Variants in PTPRD observed in about 807,000 individuals in gnomAD.
PTPRD encodes the protein protein tyrosine phosphatase receptor type D, also known as receptor-type tyrosine-protein phosphatase delta.
Under a neutral mutation model 214.5 loss-of-function variants are expected in PTPRD, and 34 were observed. That is an observed-to-expected ratio of 0.16 (90% CI 0.12 to 0.21). PTPRD has a LOEUF of 0.21. PTPRD is among the 10% of genes least tolerant of loss of function. The pLI is 1.00. For synonymous variants in PTPRD, 1,128 were observed against 845.7 expected (o/e 1.33, Z -5.79); for missense variants, 2,545 against 2,398.7 (o/e 1.06, Z -1.27).
chr9:8,653,973 T>A (rs1257586232), intron 12 of PTPRD, among the ~76,000 whole-genome samples: 2 of 152,148 alleles, frequency 1.3e-5, no homozygotes, highest in African/African-American at 4.8e-5. Context: ...AACAGCTACT[T>A]CCCCTTAAAA....
chr9:9,246,961 C>A (rs2099973322), intron 9 of PTPRD, among the ~76,000 whole-genome samples: 1 of 150,480 alleles, frequency 6.6e-6, no homozygotes, highest in South Asian at 2.1e-4. Context: ...TCTCTCTGAC[C>A]TTCTCCTGCC....
intron 11 of PTPRD, among the ~76,000 whole-genome samples, chr9:8,873,638 T>C (rs1587063588): frequency 6.6e-6 from 1 of 152,214 alleles, no homozygotes; most frequent in African/African-American, 2.4e-5. Flanking sequence ...TTCATCTTAA[T>C]GAAGGCTGGA....
chr9:10,241,683 C>A (rs1254099840), intron 3 of PTPRD, among the ~76,000 whole-genome samples: 1 of 151,746 alleles, frequency 6.6e-6, no homozygotes, highest in Non-Finnish European at 1.5e-5. Context: ...TTCCTGAAAA[C>A]CAGGGTTGGT....
At chr9:10,498,579 A>T (rs1489449789) in intron 2 of PTPRD, among the ~76,000 whole-genome samples, 1 of 151,924 alleles carries the variant, frequency 6.6e-6, no homozygotes, top group Non-Finnish European at 1.5e-5. Context: ...CTTTTAAGAT[A>T]TACGCATTTT....
At chr9:9,106,048 G>T (rs1412144617) in intron 10 of PTPRD, among the ~76,000 whole-genome samples, 3 of 152,246 alleles carry the variant, frequency 2.0e-5, no homozygotes, top group Admixed American at 1.3e-4. Flanking sequence ...CGATGGCTGA[G>T]ATACCTGGAA....
chr9:9,909,475 G>A (rs527922855), intron 5 of PTPRD, among the ~76,000 whole-genome samples: 25 of 151,784 alleles, frequency 1.6e-4, no homozygotes, highest in African/African-American at 5.5e-4. Context: ...AAAAAGCAGT[G>A]TAGTATTGAG....
At chr9:9,231,684 C>T (rs2099963194) in intron 9 of PTPRD, among the ~76,000 whole-genome samples, 1 of 151,994 alleles carries the variant, frequency 6.6e-6, no homozygotes, top group South Asian at 2.1e-4. Context: ...GTATATAGAA[C>T]AGTAACACAC....
intron 10 of PTPRD, among the ~76,000 whole-genome samples, chr9:9,122,027 G>C (rs1254711591): frequency 6.6e-6 from 1 of 152,108 alleles, no homozygotes; most frequent in Non-Finnish European, 1.5e-5. Flanking sequence ...CATGAGGGGA[G>C]ACTCCCTCTC....
At chr9:10,510,835 AC>A (rs1205765960) in intron 2 of PTPRD, among the ~76,000 whole-genome samples, 2 of 151,998 alleles carry the variant, frequency 1.3e-5, no homozygotes, top group African/African-American at 4.8e-5. Context: ...CTATTAACCA[AC>A]CCTTCTTCAT....
chr9:9,990,708 T>C (rs2095882148), intron 4 of PTPRD, among the ~76,000 whole-genome samples: 1 of 152,240 alleles, frequency 6.6e-6, no homozygotes, highest in Non-Finnish European at 1.5e-5. Flanking sequence ...GCATTGATTT[T>C]CTTAAAGTTT....
chr9:10,004,457 A>G (rs1260909189), intron 4 of PTPRD, among the ~76,000 whole-genome samples: 2 of 152,050 alleles, frequency 1.3e-5, no homozygotes, highest in African/African-American at 4.8e-5. Context: ...GATAATTCAC[A>G]TCATTTTCTT....
chr9:10,206,234 G>C (rs1039390446), intron 3 of PTPRD, among the ~76,000 whole-genome samples: 1 of 152,108 alleles, frequency 6.6e-6, no homozygotes, highest in Non-Finnish European at 1.5e-5. Context: ...AACTCAAAGA[G>C]GCTTAGTTTT....
At chr9:9,369,851 C>A (rs1300609531) in intron 9 of PTPRD, among the ~76,000 whole-genome samples, 1 of 152,220 alleles carries the variant, frequency 6.6e-6, no homozygotes, top group African/African-American at 2.4e-5. Context: ...TTCCCAGAAC[C>A]ATTTATTAAA....
chr9:8,706,828 T>C (rs2098220159), intron 12 of PTPRD, among the ~76,000 whole-genome samples: 1 of 152,230 alleles, frequency 6.6e-6, no homozygotes, highest in African/African-American at 2.4e-5. Flanking sequence ...TTGGGATTGC[T>C]TCCTGATTTC....
chr9:9,831,403 T>G (rs1570593), intron 5 of PTPRD, among the ~76,000 whole-genome samples: 22,209 of 151,970 alleles, frequency 0.15, 2,950 homozygotes, highest in East Asian at 0.75. Flanking sequence ...TTACTACATT[T>G]TTTAGATGAG....
chr9:8,649,743 T>C (rs2096767719), intron 12 of PTPRD, among the ~76,000 whole-genome samples: 2 of 152,232 alleles, frequency 1.3e-5, no homozygotes, highest in Non-Finnish European at 1.5e-5. Context: ...AATTATAGAA[T>C]AGAGTTTTAC....
chr9:8,824,790 T>C (rs115101096), intron 11 of PTPRD, among the ~76,000 whole-genome samples: 1,524 of 152,270 alleles, frequency 0.01, 26 homozygotes, highest in African/African-American at 0.035. Context: ...TTCACAGGAA[T>C]AAGCAGGGTT....
chr9:8,678,360 C>T (rs762583138), intron 12 of PTPRD, among the ~76,000 whole-genome samples: 2 of 152,180 alleles, frequency 1.3e-5, no homozygotes, highest in African/African-American at 4.8e-5. Flanking sequence ...TACCACATCA[C>T]ACTTATGTTC....
intron 2 of PTPRD, among the ~76,000 whole-genome samples, chr9:10,421,099 A>T (rs2098541258): frequency 6.6e-6 from 1 of 151,884 alleles, no homozygotes; most frequent in African/African-American, 2.4e-5. Context: ...AAAATCTCAT[A>T]ATGTCTTAAG....
Sources: gnomAD v4.1 joint callset for allele counts (sites outside exome capture counted in the v4.1 genomes callset) on GRCh38, gnomAD v4.1.1 for gene constraint, MANE v1.5 for transcripts, NCBI Gene and HGNC (gene_info 2026-07-23, HGNC 2026-07-21) for gene names.